EYS: variants seen among roughly 807,000 people sequenced by gnomAD.
The protein encoded by EYS is EGF-like photoreceptor maintenance factor.
In EYS, 250 loss-of-function variants were observed where a neutral mutation model predicts 282.1. That is an observed-to-expected ratio of 0.89 (90% CI 0.80 to 0.98). The LOEUF (loss-of-function observed/expected upper bound fraction) is 0.98. Among genes scored for constraint, EYS ranks in the 50% least tolerant of loss-of-function variants. EYS has a pLI of 0.00. For missense variants in EYS, 4,016 were observed against 3,709.0 expected (o/e 1.08, Z -2.15); for synonymous variants, 1,355 against 1,282.9 (o/e 1.06, Z -1.20).
chr6:64,820,396 TATG>T (rs1378172637), intron 21 of EYS, among the ~76,000 whole-genome samples: 1 of 152,090 alleles, frequency 6.6e-6, no homozygotes, highest in Non-Finnish European at 1.5e-5. Context: ...AAACTAAGAA[TATG>T]ATATTTGTAC....
chr6:64,193,928 C>T (rs956166077), intron 31 of EYS, among the ~76,000 whole-genome samples: 1 of 152,094 alleles, frequency 6.6e-6, no homozygotes, highest in African/African-American at 2.4e-5. Context: ...GGTTCCAAGT[C>T]TTTGGTATTG....
intron 33 of EYS, among the ~76,000 whole-genome samples, chr6:64,006,257 G>C (rs1462934952): frequency 6.6e-6 from 1 of 151,834 alleles, no homozygotes; most frequent in African/African-American, 2.4e-5. Flanking sequence ...TTATTGATTT[G>C]GCTTTCAGCT....
chr6:63,788,954 G>A (rs952273725), intron 38 of EYS, 104 bp downstream of exon 38: 3 of 1,156,336 alleles, frequency 2.6e-6, no homozygotes, highest in Non-Finnish European at 3.6e-6. Flanking sequence ...TGTGAACTTC[G>A]TGGATGTAGG....
intron 22 of EYS, among the ~76,000 whole-genome samples, chr6:64,762,004 A>G (rs933660402): frequency 6.6e-6 from 1 of 152,190 alleles, no homozygotes; most frequent in Non-Finnish European, 1.5e-5. Context: ...CTTAATAATA[A>G]TGAATGAATG....
chr6:63,806,951 T>G (rs1770923137), intron 36 of EYS: 1 of 152,230 alleles, frequency 6.6e-6, no homozygotes, highest in African/African-American at 2.4e-5. Flanking sequence ...ATTATTTCTT[T>G]GCTGAGATGC....
chr6:63,945,163 T>C (rs1765358889), intron 35 of EYS, among the ~76,000 whole-genome samples: 1 of 152,118 alleles, frequency 6.6e-6, no homozygotes. Flanking sequence ...AGAGGTTTAA[T>C]TGACTCACAG....
chr6:65,182,486 T>C (rs1295305782), intron 12 of EYS, among the ~76,000 whole-genome samples: 1 of 151,686 alleles, frequency 6.6e-6, no homozygotes. Flanking sequence ...TTTCTCCAAA[T>C]ACTTGATGTT....
At chr6:64,898,768 C>T (rs1396907367) in intron 18 of EYS, among the ~76,000 whole-genome samples, 2 of 148,996 alleles carry the variant, frequency 1.3e-5, no homozygotes, top group African/African-American at 2.5e-5. Flanking sequence ...TATTTACCAA[C>T]AAATGGAAAT....
At chr6:64,939,953 A>G (rs1427015717) in intron 15 of EYS, among the ~76,000 whole-genome samples, 2 of 152,036 alleles carry the variant, frequency 1.3e-5, no homozygotes, top group African/African-American at 4.8e-5. Context: ...CACCCAAACA[A>G]AAGACTAACA....
At chr6:65,023,347 A>G (rs1772304531) in intron 13 of EYS, among the ~76,000 whole-genome samples, 1 of 152,160 alleles carries the variant, frequency 6.6e-6, no homozygotes, top group Admixed American at 6.5e-5. Context: ...TTGAATTTCC[A>G]AATGATTATT....
At chr6:65,540,911 C>T (rs571673112) in intron 2 of EYS, among the ~76,000 whole-genome samples, 20 of 152,054 alleles carry the variant, frequency 1.3e-4, no homozygotes, top group Admixed American at 3.3e-4. Context: ...GGCAACAGTG[C>T]GAGACTCTAT....
chr6:64,988,303 C>G (rs1242241270), intron 14 of EYS, among the ~76,000 whole-genome samples: 1 of 151,472 alleles, frequency 6.6e-6, no homozygotes, highest in African/African-American at 2.4e-5. Flanking sequence ...AGCAGAAATG[C>G]AGCAATCTCA....
Position 64,883,364 on chromosome 6 carries a change from T to C in EYS, c.2992+3333A>G, listed in dbSNP as rs141448120. 4.0e-5 allele frequency among the ~76,000 whole-genome samples: 6 copies of C among 151,628 alleles called. No individual in the cohort carries two copies. In the East Asian group the frequency reaches 1.2e-3, roughly 29 times the overall value. On this transcript the variant is annotated intron_variant, in intron 19 of 42. Transcript: ENST00000503581. ...GAACTATTGAATTGTATATGTTTTC[T>C]ACATGGCATTATTATCAAAGTTATT...
intron 35 of EYS, among the ~76,000 whole-genome samples, chr6:63,895,905 G>GTTTTTTTT (rs10705427): frequency 5.6e-5 from 7 of 124,362 alleles, no homozygotes; most frequent in African/African-American, 1.3e-4. Flanking sequence ...ATCATGATTT[G>GTTTTTTTT]TTTTTTTTTT....
At chr6:65,450,388 G>T (rs1268571244) in intron 5 of EYS, among the ~76,000 whole-genome samples, 1 of 152,088 alleles carries the variant, frequency 6.6e-6, no homozygotes, top group Non-Finnish European at 1.5e-5. Context: ...AAGTTACATT[G>T]TATTTACGAG....
chr6:65,201,554 A>T (rs769296743), intron 12 of EYS, among the ~76,000 whole-genome samples: 2 of 152,192 alleles, frequency 1.3e-5, no homozygotes, highest in African/African-American at 4.8e-5. Flanking sequence ...ATCTTCCACC[A>T]TCTTATGCTA....
chr6:64,597,225 G>T (rs1176691064), intron 24 of EYS, among the ~76,000 whole-genome samples: 1 of 152,090 alleles, frequency 6.6e-6, no homozygotes, highest in Non-Finnish European at 1.5e-5. Flanking sequence ...ACAGATATTG[G>T]CAAGGATGCA....
chr6:64,062,223 G>T (rs554471589), intron 33 of EYS, among the ~76,000 whole-genome samples: 2 of 152,318 alleles, frequency 1.3e-5, no homozygotes, highest in Admixed American at 1.3e-4. Flanking sequence ...AGATGAGACA[G>T]CAAGAGAAGG....
At chr6:64,626,058 A>G (rs1482289871) in intron 23 of EYS, 63 bp downstream of exon 23, 12 of 990,674 alleles carry the variant, frequency 1.2e-5, no homozygotes, top group African/African-American at 1.7e-5. Context: ...ATGTCCATAT[A>G]CATTTACATA....
Sources: gnomAD v4.1 joint callset for allele counts (sites outside exome capture counted in the v4.1 genomes callset) on GRCh38, gnomAD v4.1.1 for gene constraint, MANE v1.5 for transcripts, NCBI Gene and HGNC (gene_info 2026-07-23, HGNC 2026-07-21) for gene names.